BSG: variants seen among roughly 807,000 people sequenced by gnomAD.
BSG encodes the protein basigin (Ok blood group), also known as basigin.
A neutral mutation model predicts 43.1 loss-of-function variants in BSG; 37 were observed. The observed-to-expected ratio is 0.86, with a 90% CI of 0.66 to 1.13. The LOEUF (loss-of-function observed/expected upper bound fraction) is 1.13, where lower values mean the gene tolerates loss of function less well. Ranked by LOEUF, BSG falls within the 50% of genes most tolerant of loss-of-function variation. The pLI is 0.00. For synonymous variants in BSG, 309 were observed against 238.7 expected (o/e 1.29, Z -2.72); for missense variants, 599 against 554.2 (o/e 1.08, Z -0.81).
upstream of BSG, chr19:572,538 T>A: frequency 7.6e-7 from 1 of 1,308,992 alleles, no homozygotes; most frequent in East Asian, 3.2e-5. Context: ...ACGCCGTGCG[T>A]GCGCGCGCCC....
At position 577,999 on chromosome 19, in the gene BSG, T is replaced by G. The variant is rs906969903; in HGVS notation, c.293T>G (p.Leu98Arg). The change falls in exon 2 of 9, where the codon CTC becomes CGC. Residue 98 changes from leucine (L) to arginine (R), a missense_variant. Physicochemically the swap from Leu to Arg is moderately radical, Grantham distance 102 (BLOSUM62 -2). Coordinates refer to ENST00000333511, the MANE Select transcript of BSG (RefSeq NM_001728.4). Reference sequence around the variant, plus strand: ...GCCAGCACCATCTCCATCGACACGCTCGTGGAGGAGGACACGGGCACTTAC... The same window carrying G: ...GCCAGCACCATCTCCATCGACACGCGCGTGGAGGAGGACACGGGCACTTAC... ...HAASTISIDT[L>R]VEEDTGTYEC... is the part of the protein sequence containing the mutation. 1 of 1,612,036 alleles carries G rather than the reference T, an allele frequency of 6.2e-7. No homozygotes were observed. Among genetic ancestry groups the G allele is most frequent in the Non-Finnish European group, 8.5e-7 (1 of 1,179,604 alleles).
In BSG at chr19:572,713, G is replaced by T. The variant is rs780335811; in HGVS notation, c.67+12G>T. The stretch of plus-strand genomic sequence containing the variant: ...AGCCTCCGGGGCTGGTGAGGAGCGG[G>T]TAGGGGGCGGGGGTGCGGTCCTGCA... On this transcript the variant is annotated intron_variant, in intron 1 of 8. Coordinates refer to ENST00000333511, the MANE Select transcript of BSG (RefSeq NM_001728.4). 1.8e-5 allele frequency: 27 copies of T among 1,468,716 alleles called. No individual in the cohort carries two copies. In the African/African-American group the frequency reaches 3.1e-4, roughly 17 times the overall value. The allele number at this position is 1,468,716 out of a possible 1,614,324, so 91.0% of individuals were successfully genotyped here.
In BSG at chr19:579,571, G is replaced by A. The variant is rs747487226; in HGVS notation, c.487G>A (p.Ala163Thr). ...CCTCACCTGCTCCTTGAATGACAGC[G>A]CCACAGAGGTCACAGGGCACCGCTG... ...ILLTCSLNDS[A>T]TEVTGHRWLK... The change falls in exon 3 of 9, where the codon GCC becomes ACC. Residue 163 changes from alanine (A) to threonine (T), a missense_variant. By Grantham distance (58) the Ala-to-Thr change is moderately conservative. Transcript: ENST00000333511. 4.2e-5 allele frequency: 68 copies of A among 1,612,630 alleles called. No individual in the cohort carries two copies. The highest frequency in any genetic ancestry group is 1.6e-4 in the Middle Eastern group (1 of 6,082).
intron 5 of BSG, 101 bp downstream of exon 5, chr19:580,883 G>A (rs12459868): frequency 0.023 from 23,570 of 1,018,612 alleles, 1,269 homozygotes; most frequent in South Asian, 0.086. Flanking sequence ...ACTGGGTGAG[G>A]GGCCTAGACT....
At chr19:580,617 C>T (rs544905487) in intron 4 of BSG, 29 bp from the exon 5 acceptor site, 1 of 1,612,266 alleles carries the variant, frequency 6.2e-7, no homozygotes, top group African/African-American at 1.3e-5. Context: ...CCTGCGGTTC[C>T]AGGCTCCTCT....
At chr19:572,236 G>C (rs1981300510), upstream of BSG, 1 of 304,812 alleles carries the variant, frequency 3.3e-6, no homozygotes, top group Admixed American at 6.5e-5. Context: ...ACAGCGGCCG[G>C]CCCGTGTTTA....
At chr19:579,189 C>T in intron 2 of BSG, 1 of 512,048 alleles carries the variant, frequency 2.0e-6, no homozygotes, top group Non-Finnish European at 3.8e-6. Context: ...TGGGCAGGAA[C>T]ATCGCCAGGC....
Position 581,548 on chromosome 19 carries a change from C to T in BSG, c.1026C>T (p.Ile342=), listed in dbSNP as rs199862501. The change falls in exon 6 of 9, where the codon ATC becomes ATT. Residue 342 remains isoleucine, a synonymous_variant. Transcript: ENST00000333511. ...VAEVLVLVTI[I]FIYEKRRKPE... is the part of the protein sequence containing the mutation. The stretch of plus-strand genomic sequence containing the variant: ...AGGTGCTGGTGCTGGTCACCATCAT[C>T]TTCATCTACGAGAAGCGCCGGAAGC... 4.9e-4 allele frequency: 786 copies of T among 1,599,638 alleles called. 1 individual carries two copies. The highest frequency in any genetic ancestry group is 5.9e-4 in the Admixed American group (34 of 58,094).
rs1417003101 is a variant in BSG at position 577,781 on chromosome 19, C to A, written c.75C>A (p.Phe25Leu). The A allele has an allele frequency of 1.4e-6, 2 of 1,417,622 alleles. No individual in the cohort carries two copies. Among genetic ancestry groups the A allele is most frequent in the Non-Finnish European group, 1.8e-6 (2 of 1,082,722 alleles). 87.8% of individuals were successfully genotyped at this position (1,417,622 alleles called of 1,614,324 possible). ...CGCGTGCTCTCCCCACAGCCGGCTTCGTCCAGGCGCCGCTGTCCCAGCAGA... is the reference window on the plus strand; with the variant it reads ...CGCGTGCTCTCCCCACAGCCGGCTTAGTCCAGGCGCCGCTGTCCCAGCAGA... ...GTHGASGAAG[F>L]VQAPLSQQRW... is the part of the protein sequence containing the mutation. Residue 25 changes from phenylalanine to leucine, a missense_variant, in exon 2 of 9, where the codon TTC becomes TTA. Phe to Leu is a conservative substitution (Grantham distance 22). Coordinates refer to ENST00000333511, the MANE Select transcript of BSG (RefSeq NM_001728.4).
intron 1 of BSG, chr19:575,357 C>G (rs1981670924): frequency 6.6e-6 from 1 of 152,318 alleles, no homozygotes; most frequent in African/African-American, 2.4e-5. Context: ...TCAGGGGCGT[C>G]TGCGGGTTGG....
chr19:579,479 G>T (rs377145573), intron 2 of BSG, 21 bp from the exon 3 acceptor site: 4 of 1,611,816 alleles, frequency 2.5e-6, no homozygotes, highest in Non-Finnish European at 3.4e-6. Context: ...TCTGCTGACC[G>T]CGTCTCGCCG....
intron 6 of BSG, 90 bp from the exon 7 acceptor site, chr19:582,216 G>C: frequency 6.4e-7 from 1 of 1,555,836 alleles, no homozygotes; most frequent in Non-Finnish European, 8.7e-7. Flanking sequence ...AGGGCTGGCA[G>C]CACAGATGCC....
chr19:580,602 G>A, intron 4 of BSG, 44 bp from the exon 5 acceptor site: 2 of 1,611,152 alleles, frequency 1.2e-6, no homozygotes, highest in Non-Finnish European at 1.7e-6. Context: ...GGGGATGGGG[G>A]CGGGCCTGCG....
Position 580,457 on chromosome 19 carries a change from C to A in BSG, c.651C>A (p.Leu217=), listed in dbSNP as rs1464197980. 1.2e-6 allele frequency: 2 copies of A among 1,610,500 alleles called. No homozygotes were observed. Among genetic ancestry groups the A allele is most frequent in the Non-Finnish European group, 1.7e-6 (2 of 1,179,928 alleles). ...PEPMGTANIQ[L]HGPPRVKAVK... Reference sequence around the variant, plus strand: ...CCATGGGCACGGCCAACATCCAGCTCCACGGTGAGTCCTGCAGCCAGGGGT... The same window carrying A: ...CCATGGGCACGGCCAACATCCAGCTACACGGTGAGTCCTGCAGCCAGGGGT... The change falls in exon 4 of 9, where the codon CTC becomes CTA. Residue 217 remains leucine (L), a synonymous_variant. Transcript: ENST00000333511.
upstream of BSG, chr19:572,286 A>T: frequency 1.5e-6 from 1 of 663,124 alleles, no homozygotes; most frequent in Non-Finnish European, 1.9e-6. Flanking sequence ...CAACGCTTCA[A>T]CCCCCTCGGG....
intron 2 of BSG, 132 bp from the exon 3 acceptor site, chr19:579,368 T>G: frequency 7.8e-7 from 1 of 1,283,450 alleles, no homozygotes; most frequent in African/African-American, 1.5e-5. Flanking sequence ...CCTCGGGGCG[T>G]AAGGGCCACG....
rs8259 is a variant in BSG, at chr19:582,927, T to A, written c.*183T>A. ...TCCATTCAGGATTCTGTTCCTTAGG[T>A]TTTTTTCCTTCTGAAGTGTTTCACG... On this transcript the variant is annotated 3_prime_UTR_variant, in exon 9 of 9. Transcript: ENST00000333511. 0.38 allele frequency: 119,851 copies of A among 315,186 alleles called. 25,330 individuals are homozygous for A. The highest frequency in any genetic ancestry group is 0.66 in the East Asian group (9,753 of 14,768). 19.5% of individuals were successfully genotyped at this position (315,186 alleles called of 1,614,324 possible). A position where few individuals can be genotyped will look rare whatever the true frequency, so the allele number is the denominator to read the frequency against.
upstream of BSG, chr19:571,600 A>C (rs755745099): frequency 1.3e-6 from 1 of 779,588 alleles, no homozygotes; most frequent in Non-Finnish European, 2.4e-6. Flanking sequence ...GCCTCTCCTG[A>C]AACAGAATGG....
At chr19:572,382 C>G (rs1409566143), upstream of BSG, 1 of 984,976 alleles carries the variant, frequency 1.0e-6, no homozygotes, top group African/African-American at 1.7e-5. Flanking sequence ...GCCCCACTCC[C>G]GTTTCCTAGC....
Sources: allele counts gnomAD v4.1 joint callset, GRCh38; gene constraint gnomAD v4.1.1; transcripts MANE v1.5; gene names NCBI Gene and HGNC (gene_info 2026-07-23, HGNC 2026-07-21).